Variants in GALNT13 observed in about 807,000 individuals in gnomAD.
GALNT13 encodes the protein polypeptide N-acetylgalactosaminyltransferase 13, also known as UDP-GalNAc:polypeptide N-acetylgalactosaminyltransferase 13.
GALNT13 carries 28 observed loss-of-function variants against 64.2 expected under a neutral mutation model. The ratio of observed to expected loss-of-function variants is 0.44; its 90% CI spans 0.32 to 0.60. The LOEUF (loss-of-function observed/expected upper bound fraction) is 0.60. GALNT13 is among the 20% of genes least tolerant of loss of function. The pLI is 0.05. For synonymous variants in GALNT13, 214 were observed against 224.6 expected (o/e 0.95, Z 0.42); for missense variants, 577 against 669.8 (o/e 0.86, Z 1.53).
chr2:154,298,599 A>ATATACAATTTATATATACAT (rs1559075622), intron 8 of GALNT13, among the ~76,000 whole-genome samples: 1 of 28,358 alleles, frequency 3.5e-5, no homozygotes, highest in African/African-American at 1.5e-4. Context: ...TATATATACA[A>ATATACAATTTATATATACAT]TGTATATATT....
At chr2:153,773,694 T>C in the GALNT13 span, among the ~76,000 whole-genome samples, 2 of 152,178 alleles carry the variant, frequency 1.3e-5, no homozygotes, top group Admixed American at 6.5e-5. Flanking sequence ...ATATTGACAC[T>C]TTTATACTTT....
At chr2:153,960,077 T>G (rs998955593) in intron 3 of GALNT13, among the ~76,000 whole-genome samples, 1 of 152,218 alleles carries the variant, frequency 6.6e-6, no homozygotes, top group African/African-American at 2.4e-5. Context: ...CTCCACTGCC[T>G]GCCAGGGAAA....
the GALNT13 span, among the ~76,000 whole-genome samples, chr2:153,288,571 T>C: frequency 1.3e-5 from 2 of 152,206 alleles, no homozygotes; most frequent in Non-Finnish European, 2.9e-5. Flanking sequence ...AGTCACTTAG[T>C]AGCCATCTTG....
At chr2:153,688,383 A>C in the GALNT13 span, among the ~76,000 whole-genome samples, 6 of 152,036 alleles carry the variant, frequency 3.9e-5, no homozygotes, top group Non-Finnish European at 8.8e-5. Context: ...TTTCCAAGTT[A>C]TTAGACTCTC....
At chr2:154,032,660 A>T (rs981187143) in intron 3 of GALNT13, among the ~76,000 whole-genome samples, 1 of 151,970 alleles carries the variant, frequency 6.6e-6, no homozygotes, top group African/African-American at 2.4e-5. Flanking sequence ...AATTCATATG[A>T]TGATCTCATA....
At chr2:153,157,431 C>A in the GALNT13 span, among the ~76,000 whole-genome samples, 1 of 152,158 alleles carries the variant, frequency 6.6e-6, no homozygotes, top group East Asian at 1.9e-4. Flanking sequence ...AATTGGATGG[C>A]TGCGAAGTTA....
At chr2:153,517,188 A>G in the GALNT13 span, among the ~76,000 whole-genome samples, 1 of 152,120 alleles carries the variant, frequency 6.6e-6, no homozygotes, top group South Asian at 2.1e-4. Flanking sequence ...AATAGTACAT[A>G]TACTCTCCCT....
chr2:153,677,356 G>A, the GALNT13 span, among the ~76,000 whole-genome samples: 5 of 150,308 alleles, frequency 3.3e-5, no homozygotes, highest in Admixed American at 1.3e-4. Context: ...CCAAGGAGGC[G>A]AAAGATATAC....
At chr2:153,200,399 C>T in the GALNT13 span, among the ~76,000 whole-genome samples, 9 of 152,180 alleles carry the variant, frequency 5.9e-5, no homozygotes, top group African/African-American at 2.2e-4. Context: ...GTGTAGTGAG[C>T]ATTTCATTTG....
chr2:153,405,247 G>T, the GALNT13 span, among the ~76,000 whole-genome samples: 2 of 152,218 alleles, frequency 1.3e-5, no homozygotes, highest in African/African-American at 4.8e-5. Flanking sequence ...CTGAACCTAT[G>T]TGAAGATTTG....
At chr2:153,850,732 A>G in the GALNT13 span, among the ~76,000 whole-genome samples, 1 of 152,210 alleles carries the variant, frequency 6.6e-6, no homozygotes, top group African/African-American at 2.4e-5. Context: ...CCATCTAGAG[A>G]TGGAAGCTAA....
intron 4 of GALNT13, among the ~76,000 whole-genome samples, chr2:154,195,018 C>T (rs957502996): frequency 6.6e-6 from 1 of 151,954 alleles, no homozygotes. Context: ...AATGCTTTCC[C>T]TCCCCCTTGC....
At chr2:153,582,669 G>A in the GALNT13 span, among the ~76,000 whole-genome samples, 1 of 152,018 alleles carries the variant, frequency 6.6e-6, no homozygotes, top group Non-Finnish European at 1.5e-5. Flanking sequence ...ATTTGTCCCT[G>A]TAGAGCTCCT....
chr2:153,923,180 A>G (rs889560777), intron 2 of GALNT13, among the ~76,000 whole-genome samples: 13 of 152,202 alleles, frequency 8.5e-5, no homozygotes, highest in African/African-American at 2.4e-4. Flanking sequence ...AATTACAGGC[A>G]TGAGCCACTG....
At chr2:153,756,809 T>G in the GALNT13 span, among the ~76,000 whole-genome samples, 2 of 152,126 alleles carry the variant, frequency 1.3e-5, no homozygotes, top group African/African-American at 2.4e-5. Flanking sequence ...GGGCCTTCCT[T>G]GGCCAAAATG....
intron 1 of GALNT13, among the ~76,000 whole-genome samples, chr2:153,887,211 T>C (rs1045529554): frequency 4.0e-5 from 6 of 151,646 alleles, no homozygotes; most frequent in East Asian, 2.0e-4. Flanking sequence ...GACATGAGAG[T>C]TGAGGTGACA....
chr2:153,502,672 T>A, the GALNT13 span, among the ~76,000 whole-genome samples: 1 of 152,254 alleles, frequency 6.6e-6, no homozygotes, highest in South Asian at 2.1e-4. Context: ...CACACTGTTT[T>A]CCATAGTTGT....
At chr2:153,112,276 G>A in the GALNT13 span, among the ~76,000 whole-genome samples, 1 of 152,062 alleles carries the variant, frequency 6.6e-6, no homozygotes, top group East Asian at 1.9e-4. Flanking sequence ...CTGCCTATAG[G>A]CAGTAAGTGC....
the GALNT13 span, among the ~76,000 whole-genome samples, chr2:153,732,456 T>A: frequency 3.9e-5 from 6 of 151,996 alleles, no homozygotes; most frequent in African/African-American, 9.7e-5. Flanking sequence ...TCATATGTGG[T>A]TAATGAGGCA....
Sources: allele counts gnomAD v4.1 joint callset (sites outside exome capture counted in the v4.1 genomes callset), GRCh38; gene constraint gnomAD v4.1.1; transcripts MANE v1.5; gene names NCBI Gene and HGNC (gene_info 2026-07-23, HGNC 2026-07-21).